Variants in SLC35A5 observed in about 807,000 individuals in gnomAD.
The protein encoded by SLC35A5 is UDP-sugar transporter protein SLC35A5.
Under a neutral mutation model 36.3 loss-of-function variants are expected in SLC35A5, and 28 were observed. The ratio of observed to expected loss-of-function variants is 0.77; its 90% CI spans 0.57 to 1.06. The LOEUF is 1.06. Among genes scored for constraint, SLC35A5 ranks in the 50% least tolerant of loss-of-function variants. The pLI, the probability that SLC35A5 is intolerant of heterozygous loss-of-function variation, is 0.00. For synonymous variants in SLC35A5, 180 were observed against 173.7 expected, an observed-to-expected ratio of 1.04 and a Z score of -0.29; for missense variants, 521 against 499.3, an observed-to-expected ratio of 1.04 and a Z score of -0.41.
chr3:112,562,006 C>A (rs1299201023), upstream of SLC35A5: 1 of 170,890 alleles, frequency 5.9e-6, no homozygotes, highest in Non-Finnish European at 1.2e-5. Flanking sequence ...CGGGCTGGGG[C>A]GGGATAAGCC....
intron 4 of SLC35A5, 145 bp downstream of exon 4, chr3:112,570,815 A>T: frequency 1.3e-6 from 1 of 782,070 alleles, no homozygotes; most frequent in Non-Finnish European, 1.9e-6. Flanking sequence ...GAATTATCTG[A>T]GTCCTGAATT....
chr3:112,561,395 G>C (rs1576734449), upstream of SLC35A5: 1 of 1,546,986 alleles, frequency 6.5e-7, no homozygotes. Flanking sequence ...CTCCTGCGGC[G>C]CCTGGTCCCT....
intron 5 of SLC35A5, among the ~76,000 whole-genome samples, chr3:112,576,684 A>G (rs1033485581): frequency 3.3e-5 from 5 of 152,176 alleles, no homozygotes; most frequent in Non-Finnish European, 5.9e-5. Context: ...TTAGCTTAGC[A>G]TATTGTCTTC....
At position 112,574,677 on chromosome 3, in the gene SLC35A5, A is replaced by T. The variant is rs1054870269; in HGVS notation, c.428+721A>T. ...ATTTCTTATTAGATTTGTTTTTTTT[A>T]AATTTTACATTATCTTTTTGATTTA... On this transcript the variant is annotated intron_variant, in intron 5 of 6. Transcript: ENST00000492406. 1.1e-4 allele frequency among the ~76,000 whole-genome samples: 17 copies of T among 152,114 alleles called. No homozygotes were observed. In the East Asian group the frequency reaches 1.2e-3, roughly 10 times the overall value.
At chr3:112,570,400 T>C in intron 3 of SLC35A5, 140 bp from the exon 4 acceptor site, 1 of 859,972 alleles carries the variant, frequency 1.2e-6, no homozygotes, top group Non-Finnish European at 1.7e-6. Context: ...AACTGGTGGG[T>C]TGAAGAGAGA....
At position 112,581,055 on chromosome 3, in the gene SLC35A5, C is replaced by G. The variant is rs778167710; in HGVS notation, c.938C>G (p.Thr313Ser). Residue 313 changes from threonine (T) to serine (S), a missense_variant, in exon 6 of 7, where the codon ACT becomes AGT. Transcript: ENST00000492406. ...SAFSVALIFV[T>S]AFQGLSVAFI... The stretch of plus-strand genomic sequence containing the variant: ...TTTTCAGTAGCCCTTATTTTTGTAA[C>G]TGCATTCCAGGGCCTTTCAGTGGCT... 51 of 1,613,890 alleles carry G rather than the reference C, an allele frequency of 3.2e-5. No homozygotes were observed. The highest frequency in any genetic ancestry group is 1.6e-4 in the Middle Eastern group (1 of 6,084).
At chr3:112,581,423 G>T in intron 6 of SLC35A5, 97 bp downstream of exon 6, 1 of 1,219,544 alleles carries the variant, frequency 8.2e-7, no homozygotes, top group Non-Finnish European at 1.1e-6. Flanking sequence ...ATTTGTCAAA[G>T]AATGTATTGG....
Position 112,581,009 on chromosome 3 carries a change from T to C in SLC35A5, c.892T>C (p.Phe298Leu), listed in dbSNP as rs1385981304. 14 of 1,613,968 alleles carry C rather than the reference T, an allele frequency of 8.7e-6. No individual in the cohort carries two copies. In the Admixed American group the frequency reaches 1.7e-4, roughly 19 times the overall value. Residue 298 changes from phenylalanine (F) to leucine (L), a missense_variant, in exon 6 of 7, where the codon TTT becomes CTT. Coordinates refer to ENST00000492406, the MANE Select transcript of SLC35A5 (RefSeq NM_017945.5). ...SNRDQIKNCGFFYGHSAFSVA... is the reference protein window; with the variant it reads ...SNRDQIKNCGLFYGHSAFSVA... ...CCGTGATCAGATTAAGAACTGTGGA[T>C]TTTTTTATGGCCACAGTGCATTTTC...
intron 5 of SLC35A5, among the ~76,000 whole-genome samples, chr3:112,578,194 A>G (rs1314927751): frequency 6.6e-6 from 1 of 152,132 alleles, no homozygotes; most frequent in Non-Finnish European, 1.5e-5. Flanking sequence ...TAGCTCACCT[A>G]TATGTTATTA....
chr3:112,571,286 T>C (rs1265628048), intron 4 of SLC35A5, among the ~76,000 whole-genome samples: 2 of 152,208 alleles, frequency 1.3e-5, no homozygotes, highest in African/African-American at 4.8e-5. Flanking sequence ...GAGCTGGAGT[T>C]TGGTTTTTCT....
chr3:112,561,651 C>A, upstream of SLC35A5: 1 of 1,003,760 alleles, frequency 1.0e-6, no homozygotes, highest in Admixed American at 2.4e-5. Context: ...TGGCAGCACC[C>A]GAGGGGACGG....
At chr3:112,574,330 G>C (rs1576754571) in intron 5 of SLC35A5, among the ~76,000 whole-genome samples, 1 of 152,208 alleles carries the variant, frequency 6.6e-6, no homozygotes, top group South Asian at 2.1e-4. Flanking sequence ...GTAATTTGTA[G>C]TTTGGAGATG....
chr3:112,563,302 T>G, intron 1 of SLC35A5, 83 bp from the exon 2 acceptor site: 1 of 1,303,446 alleles, frequency 7.7e-7, no homozygotes, highest in Non-Finnish European at 1.0e-6. Context: ...TTTTAAAAAT[T>G]CCTTTTTTGT....
chr3:112,575,469 ATTCT>A (rs10541187), intron 5 of SLC35A5, among the ~76,000 whole-genome samples: 24,221 of 151,924 alleles, frequency 0.16, 4,530 homozygotes, highest in African/African-American at 0.45. Context: ...AAGAAAGTTC[ATTCT>A]AAGTTTAAAT....
chr3:112,564,649 G>A (rs149794888), intron 2 of SLC35A5, among the ~76,000 whole-genome samples: 2,513 of 152,196 alleles, frequency 0.017, 63 homozygotes, highest in African/African-American at 0.057. Flanking sequence ...GCTGGGGGAC[G>A]GTCAGGTCTT....
chr3:112,561,711 A>C (rs1056206495), upstream of SLC35A5: 62 of 616,272 alleles, frequency 1.0e-4, no homozygotes, highest in Non-Finnish European at 1.7e-4. Flanking sequence ...CGGCAGGCAC[A>C]GCGCGCGAAG....
intron 5 of SLC35A5, 44 bp downstream of exon 5, chr3:112,574,000 CAT>C: frequency 2.7e-6 from 4 of 1,506,584 alleles, no homozygotes; most frequent in Non-Finnish European, 2.8e-6. Context: ...TTTAAAATAA[CAT>C]AGCCCGGTTT....
chr3:112,562,039 C>G (rs1272461220), upstream of SLC35A5: 1 of 169,226 alleles, frequency 5.9e-6, no homozygotes, highest in African/African-American at 2.4e-5. Context: ...CTTCCGGAAG[C>G]GTAACACTGA....
Position 112,566,965 on chromosome 3 carries a change from G to A in SLC35A5, c.131-2206G>A, listed in dbSNP as rs190493961. 3.1e-3 allele frequency among the ~76,000 whole-genome samples: 465 copies of A among 152,270 alleles called. 3 individuals are homozygous for A. The highest frequency in any genetic ancestry group is 0.01 in the African/African-American group (420 of 41,558). Reference sequence around the variant, plus strand: ...AGATACACTGGGTGTGGTGGCTCACGCCTATAATCCCAGCACTTTGGGAGG... The same window carrying A: ...AGATACACTGGGTGTGGTGGCTCACACCTATAATCCCAGCACTTTGGGAGG... On this transcript the variant is annotated intron_variant, in intron 2 of 6. Transcript: ENST00000492406.
Sources: allele counts gnomAD v4.1 joint callset (sites outside exome capture counted in the v4.1 genomes callset), GRCh38; gene constraint gnomAD v4.1.1; transcripts MANE v1.5; gene names NCBI Gene and HGNC (gene_info 2026-07-23, HGNC 2026-07-21).